Variants in SEMA6D observed in about 807,000 individuals in gnomAD.
SEMA6D encodes semaphorin 6D.
In SEMA6D, 35 loss-of-function variants were observed where a neutral mutation model predicts 106.6. The observed-to-expected ratio is 0.33, with a 90% CI of 0.25 to 0.44. The LOEUF (loss-of-function observed/expected upper bound fraction) is 0.44. SEMA6D is among the 20% of genes least tolerant of loss of function. SEMA6D has a pLI of 1.00. For synonymous variants in SEMA6D, 499 were observed against 487.7 expected, an observed-to-expected ratio of 1.02 and a Z score of -0.31; for missense variants, 1,185 against 1,345.9, an observed-to-expected ratio of 0.88 and a Z score of 1.87.
At chr15:47,754,057 G>A (rs1045547807) in intron 1 of SEMA6D, among the ~76,000 whole-genome samples, 2 of 151,982 alleles carry the variant, frequency 1.3e-5, no homozygotes, top group East Asian at 3.9e-4. Flanking sequence ...CTCTATCTGG[G>A]ATTCATTAAT....
At chr15:47,250,920 T>G (rs1303809376) in intron 1 of SEMA6D, among the ~76,000 whole-genome samples, 1 of 152,250 alleles carries the variant, frequency 6.6e-6, no homozygotes, top group Non-Finnish European at 1.5e-5. Flanking sequence ...ATCCTTTATC[T>G]GGTTTATAAT....
intron 1 of SEMA6D, chr15:47,272,482 C>T (rs2034602461): frequency 6.6e-6 from 1 of 152,164 alleles, no homozygotes; most frequent in African/African-American, 2.4e-5. Flanking sequence ...TACAGTCACC[C>T]TGCTTTTGAT....
chr15:47,200,601 A>G (rs1393732799), intron 1 of SEMA6D, among the ~76,000 whole-genome samples: 2 of 152,158 alleles, frequency 1.3e-5, no homozygotes, highest in Admixed American at 1.3e-4. Context: ...ATTATGCGCT[A>G]TTCTAACCAG....
chr15:47,584,848 C>T (rs75567618), intron 3 of SEMA6D, among the ~76,000 whole-genome samples: 3,760 of 152,220 alleles, frequency 0.025, 162 homozygotes, highest in African/African-American at 0.086. Flanking sequence ...AAAACCAGAC[C>T]ATGCTTCTCT....
chr15:47,669,514 C>T (rs1295245115), intron 4 of SEMA6D, among the ~76,000 whole-genome samples: 7 of 152,172 alleles, frequency 4.6e-5, no homozygotes, highest in African/African-American at 1.7e-4. Flanking sequence ...TCCCCTTGGC[C>T]ATCTGCTATG....
At chr15:47,262,256 C>G (rs1295847788) in intron 1 of SEMA6D, among the ~76,000 whole-genome samples, 1 of 152,134 alleles carries the variant, frequency 6.6e-6, no homozygotes, top group Non-Finnish European at 1.5e-5. Context: ...AATGGCCGTA[C>G]TGCCCAAAGC....
chr15:47,506,629 C>CACACACAT (rs2044051173), intron 3 of SEMA6D, among the ~76,000 whole-genome samples: 1 of 151,784 alleles, frequency 6.6e-6, no homozygotes, highest in African/African-American at 2.4e-5. Context: ...CACACACACA[C>CACACACAT]ACAGCGTTAT....
In SEMA6D at chr15:47,761,381, G is replaced by A. The variant is rs944491428; in HGVS notation, c.397G>A (p.Val133Ile). 4 of 1,613,376 alleles carry A rather than the reference G, an allele frequency of 2.5e-6. No homozygotes were observed. Among genetic ancestry groups the A allele is most frequent in the Non-Finnish European group, 3.4e-6 (4 of 1,179,650 alleles). Reference sequence around the variant, plus strand: ...ATTTGTTCCAAGAAACGATGAGATGGTTTTTGTTTGTGGTACCAATGCATT... The same window carrying A: ...ATTTGTTCCAAGAAACGATGAGATGATTTTTGTTTGTGGTACCAATGCATT... ...KVFVPRNDEMVFVCGTNAFNP... is the reference protein window; with the variant it reads ...KVFVPRNDEMIFVCGTNAFNP... Residue 133 changes from valine (V) to isoleucine (I), a missense_variant, in exon 6 of 19, where the codon GTT (valine) becomes ATT (isoleucine). By Grantham distance (29) the Val-to-Ile change is conservative (BLOSUM62 3). This residue lies in a region of SEMA6D where 291 missense variants were observed against 423.8 expected (regional missense o/e 0.69). Coordinates refer to ENST00000536845, the MANE Select transcript of SEMA6D (RefSeq NM_001358351.3).
chr15:47,465,172 A>C (rs2042622217), intron 2 of SEMA6D, among the ~76,000 whole-genome samples: 1 of 152,200 alleles, frequency 6.6e-6, no homozygotes, highest in African/African-American at 2.4e-5. Flanking sequence ...TGCTTTGAAC[A>C]CAGCAGGTAG....
At chr15:47,272,154 A>G (rs1482651162) in intron 1 of SEMA6D, among the ~76,000 whole-genome samples, 1 of 152,176 alleles carries the variant, frequency 6.6e-6, no homozygotes, top group Admixed American at 6.5e-5. Context: ...AAAATGGAAA[A>G]GTTAGTTTGG....
chr15:47,676,573 A>C (rs144912636), intron 4 of SEMA6D, among the ~76,000 whole-genome samples: 1 of 152,302 alleles, frequency 6.6e-6, no homozygotes, highest in Admixed American at 6.5e-5. Flanking sequence ...ACGAATTCTG[A>C]CATTAAATTG....
At position 47,392,854 on chromosome 15, in the gene SEMA6D, A is replaced by G. The variant is rs1261823682; in HGVS notation, c.-238-19539A>G. Among the ~76,000 whole-genome samples the G allele has an allele frequency of 3.9e-5, 6 of 152,206 alleles. No homozygotes were observed. In the South Asian group the frequency reaches 1.2e-3, roughly 31 times the overall value. Reference sequence around the variant, plus strand: ...AGGAAAACAAAGGCTTCCAATGAAAACAAGGGATATCCCCAGTTGCCATTG... The same window carrying G: ...AGGAAAACAAAGGCTTCCAATGAAAGCAAGGGATATCCCCAGTTGCCATTG... On this transcript the variant is annotated intron_variant, in intron 1 of 19. Coordinates refer to the SEMA6D transcript ENST00000558014.
intron 1 of SEMA6D, among the ~76,000 whole-genome samples, chr15:47,346,582 A>C (rs2038056496): frequency 6.6e-6 from 1 of 152,236 alleles, no homozygotes; most frequent in African/African-American, 2.4e-5. Flanking sequence ...TAAAATTCAC[A>C]TAAAGCCAAT....
chr15:47,659,082 C>A (rs1185778841), intron 4 of SEMA6D, among the ~76,000 whole-genome samples: 2 of 151,824 alleles, frequency 1.3e-5, no homozygotes, highest in Non-Finnish European at 2.9e-5. Flanking sequence ...AATTAAAATA[C>A]CAATGTAATA....
chr15:47,228,709 G>A (rs915648534), intron 1 of SEMA6D, among the ~76,000 whole-genome samples: 1 of 151,834 alleles, frequency 6.6e-6, no homozygotes, highest in African/African-American at 2.4e-5. Flanking sequence ...TTTTTTAAGG[G>A]GACTTAGAAA....
At chr15:47,333,117 G>T (rs2037408368) in intron 1 of SEMA6D, among the ~76,000 whole-genome samples, 1 of 152,154 alleles carries the variant, frequency 6.6e-6, no homozygotes, top group Non-Finnish European at 1.5e-5. Flanking sequence ...TGTGAGCGAG[G>T]TGAAAGAGTG....
intron 3 of SEMA6D, among the ~76,000 whole-genome samples, chr15:47,591,067 TTGTAGA>T (rs1461302637): frequency 6.6e-6 from 1 of 152,108 alleles, no homozygotes; most frequent in East Asian, 1.9e-4. Context: ...TTTCTCACAG[TTGTAGA>T]TGTAGGGAAG....
At chr15:47,219,382 C>G (rs1321394011) in intron 1 of SEMA6D, among the ~76,000 whole-genome samples, 1 of 152,190 alleles carries the variant, frequency 6.6e-6, no homozygotes, top group Non-Finnish European at 1.5e-5. Flanking sequence ...TACTATTTCT[C>G]TAACATGGCT....
At chr15:47,371,491 A>G (rs1350786517) in intron 1 of SEMA6D, among the ~76,000 whole-genome samples, 2 of 152,124 alleles carry the variant, frequency 1.3e-5, no homozygotes, top group Admixed American at 6.5e-5. Flanking sequence ...GAAATGATAT[A>G]CCTTCTTAAG....
Sources: gnomAD v4.1 joint callset for allele counts (sites outside exome capture counted in the v4.1 genomes callset) on GRCh38, gnomAD v4.1.1 for gene constraint, gnomAD v4.1.1 regional missense constraint, MANE v1.5 for transcripts, NCBI Gene and HGNC (gene_info 2026-07-23, HGNC 2026-07-21) for gene names.